GART: variants seen among roughly 807,000 people sequenced by gnomAD.
GART encodes phosphoribosylglycinamide formyltransferase, phosphoribosylglycinamide synthetase, phosphoribosylaminoimidazole synthetase, also known as trifunctional purine biosynthetic protein adenosine-3.
A neutral mutation model predicts 107.2 loss-of-function variants in GART; 43 were observed. The observed-to-expected ratio is 0.40, with a 90% CI of 0.31 to 0.52. The LOEUF (loss-of-function observed/expected upper bound fraction) is 0.52. Ranked by LOEUF, GART falls within the 20% of genes least tolerant of loss-of-function variation. GART has a pLI of 0.52. For synonymous variants in GART, 434 were observed against 427.0 expected (o/e 1.02, Z -0.20); for missense variants, 1,107 against 1,206.5 (o/e 0.92, Z 1.22).
chr21:33,540,537 A>C (rs548455537), intron 1 of GART, among the ~76,000 whole-genome samples: 18 of 152,348 alleles, frequency 1.2e-4, no homozygotes, highest in African/African-American at 4.1e-4. Context: ...GGCAAAAATC[A>C]AATTCCAACT....
At chr21:33,533,984 G>C (rs745398671) in intron 4 of GART, among the ~76,000 whole-genome samples, 1 of 152,104 alleles carries the variant, frequency 6.6e-6, no homozygotes, top group Non-Finnish European at 1.5e-5. Flanking sequence ...GCAGAACCAA[G>C]TGTATTTTTC....
At position 33,528,545 on chromosome 21, in the gene GART, A is replaced by C; in HGVS notation, c.871T>G (p.Cys291Gly). ...TGGCACTCTGGATCACCAAAACGGC[A>C]ATTAAACTCTAGAACTTTTGGGCCA... ...KNGPKVLEFN[C>G]RFGDPECQVI... The change falls in exon 9 of 22, where the codon TGC becomes GGC. Residue 291 changes from cysteine (C) to glycine (G), a missense_variant. Transcript: ENST00000381815. 6.2e-7 allele frequency: 1 copy of C among 1,610,798 alleles called. No individual in the cohort carries two copies. Among genetic ancestry groups the C allele is most frequent in the South Asian group, 1.1e-5 (1 of 90,156 alleles).
In GART at chr21:33,528,583, A is replaced by G. The variant is rs145553577; in HGVS notation, c.833T>C (p.Met278Thr). The stretch of plus-strand genomic sequence containing the variant: ...AACTTTTGGGCCATTCTTGGTCAGC[A>G]TTATTCCAGCATAGAGAATACCTTC... ...PYTGILYAGI[M>T]LTKNGPKVLE... Residue 278 changes from methionine to threonine, a missense_variant, in exon 9 of 22, where the codon ATG becomes ACG. Transcript: ENST00000381815. 7.5e-6 allele frequency: 12 copies of G among 1,590,630 alleles called. No individual in the cohort carries two copies. Among genetic ancestry groups the G allele is most frequent in the South Asian group, 1.1e-5 (1 of 88,084 alleles).
intron 11 of GART, chr21:33,524,366 T>C (rs2085029131): frequency 8.1e-6 from 6 of 737,562 alleles, no homozygotes; most frequent in Non-Finnish European, 9.9e-6. Flanking sequence ...CTTGGCAACA[T>C]GGTGAAACCC....
chr21:33,524,470 C>T (rs557934614), intron 11 of GART: 24 of 701,820 alleles, frequency 3.4e-5, no homozygotes, highest in Admixed American at 5.9e-5. Context: ...AGAACTTGGG[C>T]GAGAGAGGAA....
At chr21:33,535,197 T>C (rs200231149) in intron 3 of GART, 28 bp downstream of exon 3, 7 of 1,413,210 alleles carry the variant, frequency 5.0e-6, no homozygotes, top group Middle Eastern at 1.8e-4. Flanking sequence ...CTGAATATAC[T>C]GTAACAATAA....
intron 20 of GART, 48 bp from the exon 21 acceptor site, chr21:33,504,575 A>T (rs749735201): frequency 6.6e-6 from 9 of 1,357,914 alleles, no homozygotes; most frequent in Non-Finnish European, 9.4e-6. Flanking sequence ...AATCCTGGGT[A>T]TTCTGTTAAA....
chr21:33,539,055 C>T (rs1047394477), intron 2 of GART, 116 bp downstream of exon 2: 4 of 937,862 alleles, frequency 4.3e-6, no homozygotes, highest in Non-Finnish European at 4.6e-6. Flanking sequence ...GCTGGGATTA[C>T]AGGCATTAGC....
intron 4 of GART, among the ~76,000 whole-genome samples, chr21:33,533,342 A>G (rs1007392030): frequency 6.6e-6 from 1 of 151,558 alleles, no homozygotes; most frequent in Non-Finnish European, 1.5e-5. Context: ...GGGAGGCTGA[A>G]GCAGCAGAAT....
Position 33,506,010 on chromosome 21 carries a change from C to T in GART, c.2547G>A (p.Gly849=). 2 of 1,614,192 alleles carry T rather than the reference C, an allele frequency of 1.2e-6. No homozygotes were observed. Among genetic ancestry groups the T allele is most frequent in the Admixed American group, 1.7e-5 (1 of 60,012 alleles). Residue 849 remains glycine (G), a synonymous_variant, in exon 19 of 22, where the codon GGG becomes GGA. Coordinates refer to ENST00000381815, the MANE Select transcript of GART (RefSeq NM_000819.5). ...IVISNKAAVA[G]LDKAERAGIP... is the part of the protein sequence containing the mutation. ...TACCAGCTCTTTCCGCTTTATCTAA[C>T]CCAGCTACTGCGGCTTTGTTGGAGA...
intron 5 of GART, chr21:33,532,048 C>T: frequency 3.2e-6 from 1 of 314,910 alleles, no homozygotes; most frequent in East Asian, 7.0e-5. Context: ...TACTTTTGTC[C>T]TCATGGATGG....
chr21:33,531,673 T>A, intron 5 of GART, 116 bp from the exon 6 acceptor site: 1 of 876,926 alleles, frequency 1.1e-6, no homozygotes, highest in Non-Finnish European at 1.7e-6. Flanking sequence ...GTGAGTACTG[T>A]AATTTTTCTT....
intron 9 of GART, 36 bp downstream of exon 9, chr21:33,528,483 T>A: frequency 1.0e-5 from 16 of 1,555,490 alleles, no homozygotes; most frequent in Non-Finnish European, 1.4e-5. Flanking sequence ...ATACCACATA[T>A]CTTCTACCAA....
intron 18 of GART, 34 bp from the exon 19 acceptor site, chr21:33,506,138 C>T (rs760634396): frequency 1.3e-6 from 2 of 1,574,044 alleles, no homozygotes; most frequent in Admixed American, 1.9e-5. Context: ...TGAGCTCATA[C>T]TACTACTTCT....
At chr21:33,533,894 G>A (rs2085248056) in intron 4 of GART, among the ~76,000 whole-genome samples, 1 of 151,732 alleles carries the variant, frequency 6.6e-6, no homozygotes, top group South Asian at 2.1e-4. Flanking sequence ...GACAGAGAGA[G>A]GCCCCGTCTC....
chr21:33,517,363 T>C lies in GART; in HGVS notation c.1948A>G (p.Thr650Ala). The C allele has an allele frequency of 6.2e-7, 1 of 1,614,044 alleles. No individual in the cohort carries two copies. Among genetic ancestry groups the C allele is most frequent in the Non-Finnish European group, 8.5e-7 (1 of 1,180,024 alleles). The change falls in exon 15 of 22, where the codon ACT (threonine) becomes GCT (alanine). Residue 650 changes from threonine to alanine, a missense_variant. Transcript: ENST00000381815. ...TAAACATGAGGGAGTTTACCTAAAG[T>C]CTGGTCACCACAACCATCAGGTGCT... ...SPAPDGCGDQ[T>A]LGDLLLTPTR...
chr21:33,505,799 A>C, intron 19 of GART, 97 bp from the exon 20 acceptor site: 1 of 1,342,912 alleles, frequency 7.4e-7, no homozygotes, highest in Non-Finnish European at 1.0e-6. Context: ...CTTCCTTGTA[A>C]AGATATACCT....
intron 7 of GART, 112 bp downstream of exon 7, chr21:33,530,645 CAT>C: frequency 6.4e-6 from 7 of 1,091,476 alleles, no homozygotes; most frequent in Non-Finnish European, 8.5e-6. Context: ...TGATTAGTAA[CAT>C]AATTCATAGC....
At chr21:33,526,702 C>G (rs1466119981) in intron 10 of GART, among the ~76,000 whole-genome samples, 1 of 152,156 alleles carries the variant, frequency 6.6e-6, no homozygotes, top group Non-Finnish European at 1.5e-5. Context: ...CCCCAAATTC[C>G]TGCCCCTTCA....
Sources: gnomAD v4.1 joint callset for allele counts (sites outside exome capture counted in the v4.1 genomes callset) on GRCh38, gnomAD v4.1.1 for gene constraint, MANE v1.5 for transcripts, NCBI Gene and HGNC (gene_info 2026-07-23, HGNC 2026-07-21) for gene names.